Variants in TM9SF2 observed in about 807,000 individuals in gnomAD.
TM9SF2 encodes the protein transmembrane 9 superfamily member 2.
Under a neutral mutation model 84.9 loss-of-function variants are expected in TM9SF2, and 13 were observed. The observed-to-expected ratio is 0.15, with a 90% CI of 0.10 to 0.24. The LOEUF (loss-of-function observed/expected upper bound fraction) is 0.24, where lower values mean the gene tolerates loss of function less well. Ranked by LOEUF, TM9SF2 falls within the 10% of genes least tolerant of loss-of-function variation. TM9SF2 has a pLI of 1.00. For missense variants in TM9SF2, 562 were observed against 818.5 expected (o/e 0.69, Z 3.82); for synonymous variants, 273 against 285.8 (o/e 0.96, Z 0.45).
intron 5 of TM9SF2, among the ~76,000 whole-genome samples, chr13:99,537,101 T>A (rs1012798011): frequency 6.6e-6 from 1 of 150,824 alleles, no homozygotes; most frequent in Non-Finnish European, 1.5e-5. Context: ...AAGTCAGATA[T>A]TATAACCTTT....
chr13:99,531,414 C>G (rs1416049524), intron 4 of TM9SF2, among the ~76,000 whole-genome samples: 4 of 152,150 alleles, frequency 2.6e-5, no homozygotes, highest in Non-Finnish European at 5.9e-5. Flanking sequence ...AGGTTAGGAA[C>G]CGTGGATCTC....
intron 3 of TM9SF2, among the ~76,000 whole-genome samples, chr13:99,526,333 G>T (rs565671768): frequency 3.9e-5 from 6 of 152,330 alleles, no homozygotes; most frequent in Middle Eastern, 3.4e-3. Context: ...CAGGTTTGTG[G>T]TTTTAACAAG....
intron 1 of TM9SF2, among the ~76,000 whole-genome samples, chr13:99,506,550 A>G (rs2046089420): frequency 6.6e-6 from 1 of 152,240 alleles, no homozygotes; most frequent in Non-Finnish European, 1.5e-5. Flanking sequence ...TTCAGAAATT[A>G]GATTTTTAAG....
rs867334271 is a variant in TM9SF2 at position 99,539,610 on chromosome 13, C to G, written c.828+53C>G. 4.5e-6 allele frequency: 5 copies of G among 1,111,890 alleles called. No homozygotes were observed. The Middle Eastern group carries it at 5.9e-4, about 132-fold the overall frequency. 68.9% of individuals were successfully genotyped at this position (1,111,890 alleles called of 1,614,324 possible). A position where few individuals can be genotyped will look rare whatever the true frequency, so the allele number is the denominator to read the frequency against. On this transcript the variant is annotated intron_variant, in intron 7 of 16. Transcript: ENST00000376387. ...CTCTGAAATTGATTTTAAATTTGTACTACTTAAACTAATTAAAATGTTACT... is the reference window on the plus strand; with the variant it reads ...CTCTGAAATTGATTTTAAATTTGTAGTACTTAAACTAATTAAAATGTTACT...
At chr13:99,505,201 G>A (rs977181230) in intron 1 of TM9SF2, among the ~76,000 whole-genome samples, 14 of 142,808 alleles carry the variant, frequency 9.8e-5, no homozygotes, top group African/African-American at 3.3e-4. Flanking sequence ...CACCCAGGCC[G>A]GAGTGCAGTG....
chr13:99,537,807 T>C lies in TM9SF2; in HGVS notation c.660T>C (p.Val220=). Residue 220 remains valine (V), a synonymous_variant, in exon 6 of 17, where the codon GTT becomes GTC. Coordinates refer to ENST00000376387, the MANE Select transcript of TM9SF2 (RefSeq NM_004800.3). ...NHVDIKIYYH[V]VETGSMGARL... ...TTGACATCAAAATATACTATCATGT[T>C]GTTGAAACTGGGTCCATGGGAGCAA... is the stretch of plus-strand genomic sequence containing the variant. The C allele has an allele frequency of 6.2e-7, 1 of 1,611,620 alleles. No individual in the cohort carries two copies. The highest frequency in any genetic ancestry group is 1.1e-5 in the South Asian group (1 of 90,098).
At chr13:99,508,443 A>ACACACACACACACACACACCCC (rs1311954976) in intron 1 of TM9SF2, among the ~76,000 whole-genome samples, 3 of 147,448 alleles carry the variant, frequency 2.0e-5, no homozygotes, top group Non-Finnish European at 4.5e-5. Context: ...ACACACACAC[A>ACACACACACACACACACACCCC]CCCCAGAGAT....
chr13:99,529,395 T>A, intron 3 of TM9SF2, 72 bp from the exon 4 acceptor site: 1 of 1,373,600 alleles, frequency 7.3e-7, no homozygotes, highest in Non-Finnish European at 9.6e-7. Flanking sequence ...GCACTTTTAC[T>A]CTATTTGTGA....
chr13:99,533,061 A>G (rs2046217820), intron 4 of TM9SF2, among the ~76,000 whole-genome samples: 1 of 152,216 alleles, frequency 6.6e-6, no homozygotes, highest in African/African-American at 2.4e-5. Flanking sequence ...TTTACTGTAT[A>G]ACTTGATTTT....
At chr13:99,530,934 C>T (rs1319770287) in intron 4 of TM9SF2, among the ~76,000 whole-genome samples, 2 of 151,428 alleles carry the variant, frequency 1.3e-5, no homozygotes, top group East Asian at 3.9e-4. Context: ...GATCTCGGCT[C>T]ACTGCAACCT....
chr13:99,547,501 T>G (rs894791045), intron 11 of TM9SF2, among the ~76,000 whole-genome samples: 2 of 152,222 alleles, frequency 1.3e-5, no homozygotes, highest in African/African-American at 4.8e-5. Flanking sequence ...TAGGTGTACC[T>G]TTTCTTACAT....
chr13:99,557,961 T>C (rs772503308), intron 15 of TM9SF2, among the ~76,000 whole-genome samples: 1 of 152,248 alleles, frequency 6.6e-6, no homozygotes. Flanking sequence ...CTTTACCTCA[T>C]GTATTTAAGT....
chr13:99,542,050 C>T (rs2046262328), intron 9 of TM9SF2, among the ~76,000 whole-genome samples: 1 of 151,460 alleles, frequency 6.6e-6, no homozygotes, highest in South Asian at 2.1e-4. Flanking sequence ...CCTCGGGAGG[C>T]TGAGGCAGGA....
chr13:99,545,358 A>G (rs1448018779), intron 10 of TM9SF2, among the ~76,000 whole-genome samples: 1 of 152,082 alleles, frequency 6.6e-6, no homozygotes, highest in Non-Finnish European at 1.5e-5. Context: ...TCTACTAACA[A>G]CTTAAGGAGA....
At chr13:99,553,703 TC>T (rs997296530) in intron 13 of TM9SF2, among the ~76,000 whole-genome samples, 1 of 152,198 alleles carries the variant, frequency 6.6e-6, no homozygotes, top group Non-Finnish European at 1.5e-5. Flanking sequence ...TGTACTGTCT[TC>T]CCCCCTCATG....
At chr13:99,551,957 C>CT (rs1417561870) in intron 12 of TM9SF2, among the ~76,000 whole-genome samples, 1 of 152,214 alleles carries the variant, frequency 6.6e-6, no homozygotes, top group Non-Finnish European at 1.5e-5. Flanking sequence ...CTTTCATAGG[C>CT]TGCTGGGAGG....
At position 99,501,751 on chromosome 13, in the gene TM9SF2, G is replaced by A. The variant is rs1484119268; in HGVS notation, c.145G>A (p.Glu49Lys). The change falls in exon 1 of 17, where the codon GAA becomes AAA. Residue 49 changes from glutamate to lysine, a missense_variant. Around this residue, in one of 4 missense-constraint regions of TM9SF2, gnomAD observed 267 missense variants for 316.7 expected, o/e 0.84. Transcript: ENST00000376387. Reference protein sequence around the residue: ...PGLAPVNFCDEEKKSDECKAE... With the variant: ...PGLAPVNFCDKEKKSDECKAE... ...CCTGGCGCCCGTCAACTTCTGCGACGAAGAAAAAAAGAGCGACGAGTGCAA... is the reference window on the plus strand; with the variant it reads ...CCTGGCGCCCGTCAACTTCTGCGACAAAGAAAAAAAGAGCGACGAGTGCAA... 6.2e-7 allele frequency: 1 copy of A among 1,610,366 alleles called. No homozygotes were observed. The highest frequency in any genetic ancestry group is 8.5e-7 in the Non-Finnish European group (1 of 1,179,160).
intron 9 of TM9SF2, among the ~76,000 whole-genome samples, chr13:99,543,403 G>A (rs1418560119): frequency 2.0e-5 from 3 of 152,208 alleles, no homozygotes; most frequent in Non-Finnish European, 2.9e-5. Flanking sequence ...AAACAGAGCC[G>A]AGCTTATAGT....
At chr13:99,517,933 T>A in intron 2 of TM9SF2, among the ~76,000 whole-genome samples, 1 of 152,228 alleles carries the variant, frequency 6.6e-6, no homozygotes, top group Admixed American at 6.5e-5. Flanking sequence ...CTTAACATTT[T>A]AAAATTATAA....
Sources: gnomAD v4.1 joint callset for allele counts (sites outside exome capture counted in the v4.1 genomes callset) on GRCh38, gnomAD v4.1.1 for gene constraint, gnomAD v4.1.1 regional missense constraint, MANE v1.5 for transcripts, NCBI Gene and HGNC (gene_info 2026-07-23, HGNC 2026-07-21) for gene names.